The following SMARCA2 variants were observed in gnomAD, a reference collection of about 807,000 sequenced individuals.
SMARCA2 encodes the protein SWI/SNF-related matrix-associated actin-dependent regulator of chromatin subfamily A member 2.
A neutral mutation model predicts 199.8 loss-of-function variants in SMARCA2; 61 were observed. The ratio of observed to expected loss-of-function variants is 0.31; its 90% CI spans 0.25 to 0.38. The LOEUF is 0.38. Among genes scored for constraint, SMARCA2 ranks in the 10% least tolerant of loss-of-function variants. SMARCA2 has a pLI of 1.00. For synonymous variants in SMARCA2, 935 were observed against 732.0 expected, an observed-to-expected ratio of 1.28 and a Z score of -4.48; for missense variants, 1,344 against 2,012.2, an observed-to-expected ratio of 0.67 and a Z score of 6.35.
intron 9 of SMARCA2, among the ~76,000 whole-genome samples, chr9:2,067,894 T>C (rs576193255): frequency 5.9e-5 from 9 of 152,350 alleles, no homozygotes; most frequent in African/African-American, 2.2e-4. Context: ...TAGGAAAGTA[T>C]CCTTCAGAAT....
chr9:2,167,367 CCT>C (rs1254097012), intron 28 of SMARCA2, among the ~76,000 whole-genome samples: 1 of 152,232 alleles, frequency 6.6e-6, no homozygotes, highest in Non-Finnish European at 1.5e-5. Flanking sequence ...TCACCTCCTC[CCT>C]CTCTATCAAT....
At chr9:2,178,287 C>A (rs937918779) in intron 29 of SMARCA2, among the ~76,000 whole-genome samples, 1 of 152,158 alleles carries the variant, frequency 6.6e-6, no homozygotes, top group Non-Finnish European at 1.5e-5. Flanking sequence ...CCCCCACTTA[C>A]CCCATGTCTC....
At chr9:2,089,508 TG>T (rs1209351734) in intron 19 of SMARCA2, among the ~76,000 whole-genome samples, 2 of 152,174 alleles carry the variant, frequency 1.3e-5, no homozygotes, top group African/African-American at 2.4e-5. Context: ...CATTTTTAAG[TG>T]GGAGTTTTCA....
At chr9:2,051,153 G>T (rs1434290383) in intron 5 of SMARCA2, among the ~76,000 whole-genome samples, 2 of 152,282 alleles carry the variant, frequency 1.3e-5, no homozygotes, top group Admixed American at 6.5e-5. Context: ...CATCAACAAA[G>T]ATATAATCTT....
chr9:2,078,186 A>G (rs926433642), intron 14 of SMARCA2, among the ~76,000 whole-genome samples: 1 of 152,166 alleles, frequency 6.6e-6, no homozygotes, highest in African/African-American at 2.4e-5. Flanking sequence ...CTTAAGACAC[A>G]ATAGGCCAGG....
rs533596171 is a variant in SMARCA2 at position 2,191,710 on chromosome 9, C to T, written c.4737+302C>T. 78 of 237,974 alleles carry T rather than the reference C, an allele frequency of 3.3e-4. 1 individual carries two copies. The highest frequency in any genetic ancestry group is 5.2e-4 in the Non-Finnish European group (63 of 121,308). 14.7% of individuals were successfully genotyped at this position (237,974 alleles called of 1,614,324 possible). A position where few individuals can be genotyped will look rare whatever the true frequency, so the allele number is the denominator to read the frequency against. ...CTTATAAATATGGTTTTCCCCGTAG[C>T]CAGTTAATATTTTACATGCATCACA... On this transcript the variant is annotated intron_variant, in intron 33 of 33. Transcript: ENST00000349721.
intron 8 of SMARCA2, among the ~76,000 whole-genome samples, chr9:2,060,098 A>G (rs994335072): frequency 7.9e-6 from 1 of 126,812 alleles, no homozygotes; most frequent in Non-Finnish European, 1.6e-5. Flanking sequence ...TGGGCCCATT[A>G]CTCAGTGCAG....
intron 29 of SMARCA2, chr9:2,181,210 A>ATG (rs1826999356): frequency 5.5e-6 from 1 of 181,470 alleles, no homozygotes; most frequent in South Asian, 1.3e-4. Flanking sequence ...GTACGTGTAT[A>ATG]TATATACATA....
chr9:2,168,033 CTTTT>C (rs367986975), intron 28 of SMARCA2, among the ~76,000 whole-genome samples: 3 of 138,794 alleles, frequency 2.2e-5, no homozygotes, highest in Non-Finnish European at 3.1e-5. Context: ...TTTTCTTTTT[CTTTT>C]TTTTTTTTTT....
At chr9:2,101,024 C>T (rs1030248910) in intron 21 of SMARCA2, among the ~76,000 whole-genome samples, 39 of 152,070 alleles carry the variant, frequency 2.6e-4, no homozygotes, top group African/African-American at 9.2e-4. Flanking sequence ...GACTTATTCA[C>T]AACCATGAGA....
In SMARCA2 at chr9:2,069,421, T is replaced by C. The variant is rs951651932; in HGVS notation, c.1693-997T>C. On this transcript the variant is annotated intron_variant, in intron 9 of 33. Coordinates refer to ENST00000349721, the MANE Select transcript of SMARCA2 (RefSeq NM_003070.5). ...AAAATACAAAAAAATTAGCCGGGCG[T>C]GGTGGCGGTCGCCTGTAGTCCCAGC... Among the ~76,000 whole-genome samples, 4 of 151,242 alleles carry C rather than the reference T, an allele frequency of 2.6e-5. No homozygotes were observed. In the South Asian group the frequency reaches 6.3e-4, roughly 24 times the overall value.
At chr9:2,181,954 G>T (rs1827059574) in intron 30 of SMARCA2, among the ~76,000 whole-genome samples, 187 bp from the exon 31 acceptor site, 1 of 152,186 alleles carries the variant, frequency 6.6e-6, no homozygotes, top group African/African-American at 2.4e-5. Flanking sequence ...CTTGGCAAAA[G>T]GAATGACAGT....
At chr9:2,070,343 T>A (rs1294233708) in intron 9 of SMARCA2, 75 bp from the exon 10 acceptor site, 1 of 1,148,250 alleles carries the variant, frequency 8.7e-7, no homozygotes, top group Non-Finnish European at 1.3e-6. Flanking sequence ...TCCTATTACA[T>A]ACCGGAGAGT....
At chr9:2,176,182 G>GTTTTTTTTTTGTTTGTTTT (rs1554642561) in intron 29 of SMARCA2, among the ~76,000 whole-genome samples, 5 of 104,158 alleles carry the variant, frequency 4.8e-5, no homozygotes, top group African/African-American at 1.9e-4. Flanking sequence ...CGCCCGGCCT[G>GTTTTTTTTTTGTTTGTTTT]TTTTTTTTTT....
chr9:2,188,301 T>TAGATTATTGA (rs1827633833), intron 32 of SMARCA2, among the ~76,000 whole-genome samples: 1 of 152,182 alleles, frequency 6.6e-6, no homozygotes, highest in Admixed American at 6.5e-5. Context: ...ATTTTACCCA[T>TAGATTATTGA]AGATTATTGA....
chr9:2,122,052 G>T (rs577473165), intron 26 of SMARCA2, among the ~76,000 whole-genome samples: 40 of 152,286 alleles, frequency 2.6e-4, no homozygotes, highest in African/African-American at 7.9e-4. Context: ...GAAATCTCTA[G>T]GGAGAGATGC....
intron 13 of SMARCA2, among the ~76,000 whole-genome samples, chr9:2,077,376 A>G (rs898816243): frequency 4.6e-5 from 7 of 152,284 alleles, no homozygotes; most frequent in African/African-American, 1.7e-4. Context: ...ATGTGATCCA[A>G]ACAAATGAAG....
chr9:2,163,946 C>A (rs566316355), intron 28 of SMARCA2, among the ~76,000 whole-genome samples: 2 of 152,182 alleles, frequency 1.3e-5, no homozygotes, highest in Non-Finnish European at 2.9e-5. Flanking sequence ...AGATTTCTTG[C>A]AAAAATTTCC....
chr9:2,033,839 T>C (rs1819179911), intron 3 of SMARCA2, among the ~76,000 whole-genome samples: 2 of 152,184 alleles, frequency 1.3e-5, no homozygotes, highest in African/African-American at 4.8e-5. Flanking sequence ...ACATGAAATT[T>C]TTCCTGTGTG....
Sources: gnomAD v4.1 joint callset for allele counts (sites outside exome capture counted in the v4.1 genomes callset) on GRCh38, gnomAD v4.1.1 for gene constraint, MANE v1.5 for transcripts, NCBI Gene and HGNC (gene_info 2026-07-23, HGNC 2026-07-21) for gene names.